The following CDK8 variants were observed in gnomAD, a reference collection of about 807,000 sequenced individuals.
The protein encoded by CDK8 is cyclin-dependent kinase 8.
CDK8 carries 29 observed loss-of-function variants against 71.5 expected under a neutral mutation model. That is an observed-to-expected ratio of 0.41 (90% CI 0.30 to 0.55). The LOEUF (loss-of-function observed/expected upper bound fraction) is 0.55. CDK8 is among the 20% of genes least tolerant of loss of function. The pLI, the probability that CDK8 is intolerant of heterozygous loss-of-function variation, is 0.37. For synonymous variants in CDK8, 161 were observed against 192.1 expected (o/e 0.84, Z 1.34); for missense variants, 288 against 572.6 (o/e 0.50, Z 5.07).
intron 4 of CDK8, among the ~76,000 whole-genome samples, chr13:26,354,663 T>C (rs1050081149): frequency 2.6e-5 from 4 of 152,218 alleles, no homozygotes; most frequent in East Asian, 3.9e-4. Context: ...GGGATCTAGA[T>C]TGCACGCTCC....
In CDK8 at chr13:26,350,301, C is replaced by T. The variant is rs1483799105; in HGVS notation, c.315+1119C>T. ...TTCGTGTGAAAATAAATTTTAATAT[C>T]TCTTGGGACTTTTAGTTCTTTGTTT... On this transcript the variant is annotated intron_variant, in intron 3 of 12. Transcript: ENST00000381527. Among the ~76,000 whole-genome samples the T allele has an allele frequency of 2.0e-5, 3 of 152,080 alleles. No individual in the cohort carries two copies. The East Asian group carries it at 5.8e-4, about 29-fold the overall frequency.
At chr13:26,371,149 C>T (rs1874664496) in intron 4 of CDK8, among the ~76,000 whole-genome samples, 1 of 152,058 alleles carries the variant, frequency 6.6e-6, no homozygotes, top group African/African-American at 2.4e-5. Flanking sequence ...GGTAGTGAAT[C>T]ATTGTTAACA....
intron 2 of CDK8, among the ~76,000 whole-genome samples, chr13:26,342,149 G>A (rs967025747): frequency 2.0e-5 from 3 of 152,304 alleles, no homozygotes; most frequent in South Asian, 2.1e-4. Flanking sequence ...TCTTGACCTC[G>A]TGATCCGCCC....
At chr13:26,328,819 A>T (rs1039574522) in intron 1 of CDK8, among the ~76,000 whole-genome samples, 3 of 152,112 alleles carry the variant, frequency 2.0e-5, no homozygotes, top group African/African-American at 7.2e-5. Context: ...GAATTGCTTG[A>T]ATTGCTCCTC....
chr13:26,353,525 C>A (rs1873768922), intron 3 of CDK8, among the ~76,000 whole-genome samples: 1 of 151,632 alleles, frequency 6.6e-6, no homozygotes, highest in Non-Finnish European at 1.5e-5. Context: ...GATAATTTAT[C>A]TCCTGAAATG....
intron 1 of CDK8, among the ~76,000 whole-genome samples, chr13:26,305,413 C>T (rs1191018667): frequency 6.6e-6 from 1 of 152,048 alleles, no homozygotes; most frequent in Non-Finnish European, 1.5e-5. Context: ...AATAATTTTT[C>T]TAAGAAGTAC....
chr13:26,278,139 A>C (rs1318265857), intron 1 of CDK8, among the ~76,000 whole-genome samples: 1 of 152,180 alleles, frequency 6.6e-6, no homozygotes, highest in Admixed American at 6.5e-5. Context: ...TAGTGGATTG[A>C]TGTTTGAATT....
chr13:26,377,577 A>G (rs764664271), intron 4 of CDK8, among the ~76,000 whole-genome samples: 3 of 152,304 alleles, frequency 2.0e-5, no homozygotes, highest in African/African-American at 4.8e-5. Context: ...AAACAACTTT[A>G]CTAGAAGTGG....
intron 1 of CDK8, among the ~76,000 whole-genome samples, chr13:26,304,356 ATATTTATTTTACCTAG>A (rs1873946293): frequency 6.6e-6 from 1 of 151,802 alleles, no homozygotes; most frequent in Admixed American, 6.6e-5. Context: ...AACAAACATT[ATATTTATTTTACCTAG>A]TATTTCATTT....
intron 4 of CDK8, among the ~76,000 whole-genome samples, chr13:26,374,149 G>C (rs987950639): frequency 6.6e-6 from 1 of 151,762 alleles, no homozygotes; most frequent in Non-Finnish European, 1.5e-5. Flanking sequence ...TGCAGTGATC[G>C]GAGATCACGC....
intron 4 of CDK8, among the ~76,000 whole-genome samples, chr13:26,356,742 T>A (rs1441368436): frequency 6.6e-6 from 1 of 152,234 alleles, no homozygotes; most frequent in Non-Finnish European, 1.5e-5. Context: ...AGAACATTGT[T>A]CAGAAGCTGT....
intron 4 of CDK8, among the ~76,000 whole-genome samples, chr13:26,372,691 T>C (rs1464127269): frequency 6.6e-6 from 1 of 152,154 alleles, no homozygotes. Flanking sequence ...GAACCCCAGC[T>C]CTGCTACTGA....
At chr13:26,375,132 T>C (rs1874884820) in intron 4 of CDK8, among the ~76,000 whole-genome samples, 1 of 152,122 alleles carries the variant, frequency 6.6e-6, no homozygotes, top group South Asian at 2.1e-4. Context: ...GCAAACAATA[T>C]ATTTAGTTTG....
chr13:26,343,216 G>A (rs1172845372), intron 2 of CDK8, among the ~76,000 whole-genome samples: 2 of 152,152 alleles, frequency 1.3e-5, no homozygotes, highest in African/African-American at 4.8e-5. Flanking sequence ...CACTAACCCA[G>A]ATGGTAGAAC....
In CDK8 at chr13:26,403,933, CT is replaced by C. The variant is rs781342655; in HGVS notation, c.1270-19del. On this transcript the variant is annotated intron_variant, in intron 12 of 12. Coordinates refer to ENST00000381527, the MANE Select transcript of CDK8 (RefSeq NM_001260.3). ...TTCCCCTAGAAGCACCTGAATCACACTTTTCCCTCATCTCCTTTCCAGCGTT... is the reference window on the plus strand; with the variant it reads ...TTCCCCTAGAAGCACCTGAATCACACTTTCCCTCATCTCCTTTCCAGCGTT... 1.5e-5 allele frequency: 24 copies of C among 1,607,946 alleles called. No individual in the cohort carries two copies. In the African/African-American group the frequency reaches 3.1e-4, roughly 21 times the overall value.
chr13:26,267,853 AT>A (rs1356231478), intron 1 of CDK8, among the ~76,000 whole-genome samples: 5 of 152,174 alleles, frequency 3.3e-5, no homozygotes, highest in African/African-American at 1.2e-4. Flanking sequence ...GCCATGGATG[AT>A]ACACTGGCAG....
chr13:26,308,977 A>G (rs948625107), intron 1 of CDK8, among the ~76,000 whole-genome samples: 1 of 152,208 alleles, frequency 6.6e-6, no homozygotes, highest in Non-Finnish European at 1.5e-5. Context: ...TTAACTTGTT[A>G]AACTATAAAG....
intron 1 of CDK8, among the ~76,000 whole-genome samples, chr13:26,321,350 G>A (rs1874765849): frequency 6.6e-6 from 1 of 152,140 alleles, no homozygotes; most frequent in Non-Finnish European, 1.5e-5. Context: ...CATAGAGACA[G>A]AAAGTGGAAT....
chr13:26,379,323 A>T (rs1875105135), intron 4 of CDK8, among the ~76,000 whole-genome samples: 1 of 152,222 alleles, frequency 6.6e-6, no homozygotes, highest in Admixed American at 6.5e-5. Context: ...GTAGGCAGTG[A>T]GTTACCTAGC....
Sources: allele counts gnomAD v4.1 joint callset (sites outside exome capture counted in the v4.1 genomes callset), GRCh38; gene constraint gnomAD v4.1.1; transcripts MANE v1.5; gene names NCBI Gene and HGNC (gene_info 2026-07-23, HGNC 2026-07-21).